The following PGCKA1 variants were observed in gnomAD, a reference collection of about 807,000 sequenced individuals.
PGCKA1 encodes PDCD10 and GCKIII kinases-associated protein 1.
At chr4:37,580,084 G>A in the PGCKA1 span, among the ~76,000 whole-genome samples, 2 of 151,960 alleles carry the variant, frequency 1.3e-5, no homozygotes, top group South Asian at 2.1e-4. Flanking sequence ...TCTTCAGTAT[G>A]TCACTTGTAT....
the PGCKA1 span, among the ~76,000 whole-genome samples, chr4:37,453,566 A>T: frequency 4.6e-5 from 7 of 152,164 alleles, no homozygotes; most frequent in Non-Finnish European, 8.8e-5. Flanking sequence ...ACTATTTGCC[A>T]GCGGGTGCAT....
chr4:37,550,743 G>A, the PGCKA1 span, among the ~76,000 whole-genome samples: 5 of 152,240 alleles, frequency 3.3e-5, no homozygotes, highest in South Asian at 1.0e-3. Context: ...TTTGCAATTA[G>A]CCGAGCATGT....
At chr4:37,567,799 G>A in the PGCKA1 span, among the ~76,000 whole-genome samples, 28 of 152,256 alleles carry the variant, frequency 1.8e-4, no homozygotes, top group South Asian at 8.3e-4. Context: ...CAGCGATGTT[G>A]CACACAGCTG....
chr4:37,525,539 G>A, the PGCKA1 span, among the ~76,000 whole-genome samples: 11 of 152,146 alleles, frequency 7.2e-5, no homozygotes, highest in African/African-American at 1.9e-4. Context: ...TCATCAGTCC[G>A]TTCTGTAAAC....
At chr4:37,458,936 C>T in the PGCKA1 span, among the ~76,000 whole-genome samples, 1 of 152,058 alleles carries the variant, frequency 6.6e-6, no homozygotes, top group Non-Finnish European at 1.5e-5. Flanking sequence ...GGCAAAATTC[C>T]TATTTTACAG....
At chr4:37,474,925 T>C in the PGCKA1 span, among the ~76,000 whole-genome samples, 1 of 152,288 alleles carries the variant, frequency 6.6e-6, no homozygotes. Context: ...ACTCAGAATT[T>C]AGGGTGTTTA....
the PGCKA1 span, among the ~76,000 whole-genome samples, chr4:37,505,676 G>A: frequency 1.4e-4 from 21 of 152,300 alleles, no homozygotes; most frequent in Middle Eastern, 3.4e-3. Context: ...CAGATCTCAT[G>A]AGACTCATTC....
chr4:37,463,577 A>G, the PGCKA1 span, among the ~76,000 whole-genome samples: 18 of 152,164 alleles, frequency 1.2e-4, no homozygotes, highest in Non-Finnish European at 2.4e-4. Flanking sequence ...TTCAGGCACT[A>G]CTGTTGATGC....
chr4:37,520,460 G>A, the PGCKA1 span, among the ~76,000 whole-genome samples: 9 of 151,928 alleles, frequency 5.9e-5, no homozygotes, highest in South Asian at 6.2e-4. Context: ...TTCAGGTTTT[G>A]GATTTCTTCA....
chr4:37,469,152 C>G, the PGCKA1 span, among the ~76,000 whole-genome samples: 10 of 152,180 alleles, frequency 6.6e-5, no homozygotes, highest in Non-Finnish European at 1.3e-4. Flanking sequence ...ACCATCTAGC[C>G]TAGCTGTGTA....
At chr4:37,558,603 TTAAAC>T in the PGCKA1 span, among the ~76,000 whole-genome samples, 2 of 151,668 alleles carry the variant, frequency 1.3e-5, no homozygotes, top group African/African-American at 4.9e-5. Context: ...TGGGATCTAA[TTAAAC>T]TAAAGAGCTT....
the PGCKA1 span, among the ~76,000 whole-genome samples, chr4:37,573,156 C>T: frequency 3.3e-5 from 5 of 152,086 alleles, no homozygotes; most frequent in African/African-American, 9.7e-5. Flanking sequence ...GAATTCTGTA[C>T]GTGTTTGCAT....
At chr4:37,498,966 T>C in the PGCKA1 span, among the ~76,000 whole-genome samples, 1 of 152,238 alleles carries the variant, frequency 6.6e-6, no homozygotes, top group Non-Finnish European at 1.5e-5. Flanking sequence ...GGATTTGTAA[T>C]AGATGGCTCT....
At chr4:37,587,203 T>C in the PGCKA1 span, among the ~76,000 whole-genome samples, 295 of 152,270 alleles carry the variant, frequency 1.9e-3, 2 homozygotes, top group African/African-American at 6.5e-3. Context: ...CTCCACCTCC[T>C]TCTCATAAGC....
At chr4:37,563,118 G>A in the PGCKA1 span, among the ~76,000 whole-genome samples, 1 of 151,886 alleles carries the variant, frequency 6.6e-6, no homozygotes, top group Non-Finnish European at 1.5e-5. Flanking sequence ...TTCCAGTCTT[G>A]AGTCCGGAAA....
At chr4:37,535,137 C>T in the PGCKA1 span, among the ~76,000 whole-genome samples, 6 of 152,246 alleles carry the variant, frequency 3.9e-5, no homozygotes, top group African/African-American at 1.4e-4. Context: ...TCAGAGTCAG[C>T]CAGATGCTAT....
At chr4:37,506,018 G>T in the PGCKA1 span, among the ~76,000 whole-genome samples, 1 of 152,176 alleles carries the variant, frequency 6.6e-6, no homozygotes, top group East Asian at 1.9e-4. Context: ...TCTTAGTAGA[G>T]TGTATGAGTC....
the PGCKA1 span, among the ~76,000 whole-genome samples, chr4:37,476,017 T>C: frequency 6.6e-6 from 1 of 150,624 alleles, no homozygotes; most frequent in African/African-American, 2.4e-5. Flanking sequence ...TTTAAAATAA[T>C]TATTATTTTA....
At chr4:37,524,496 C>A in the PGCKA1 span, among the ~76,000 whole-genome samples, 1 of 152,244 alleles carries the variant, frequency 6.6e-6, no homozygotes. Context: ...CCAGGGGGAG[C>A]AACGGGAGAG....
Sources: gnomAD v4.1 joint callset for allele counts (sites outside exome capture counted in the v4.1 genomes callset) on GRCh38, gnomAD v4.1.1 for gene constraint, MANE v1.5 for transcripts, NCBI Gene and HGNC (gene_info 2026-07-23, HGNC 2026-07-21) for gene names.